KIAA0586: variants seen among roughly 807,000 people sequenced by gnomAD.
KIAA0586 encodes protein TALPID3.
A neutral mutation model predicts 169.8 loss-of-function variants in KIAA0586; 144 were observed. The ratio of observed to expected loss-of-function variants is 0.85; its 90% CI spans 0.74 to 0.97. The LOEUF (loss-of-function observed/expected upper bound fraction) is 0.97, where lower values mean the gene tolerates loss of function less well. Ranked by LOEUF, KIAA0586 falls within the 50% of genes least tolerant of loss-of-function variation. The probability of loss-of-function intolerance (pLI) is 0.00; values close to 1 mark genes in which losing one functional copy is unlikely to be tolerated. For synonymous variants in KIAA0586, 625 were observed against 612.4 expected (o/e 1.02, Z -0.30); for missense variants, 1,854 against 1,823.0 (o/e 1.02, Z -0.31).
At chr14:58,450,828 A>G in intron 8 of KIAA0586, 82 bp downstream of exon 8, 1 of 777,940 alleles carries the variant, frequency 1.3e-6, no homozygotes, top group Non-Finnish European at 2.1e-6. Context: ...CTGAAGTGGG[A>G]TCTCTATTTG....
chr14:58,540,912 T>C (rs2046602427), intron 30 of KIAA0586, among the ~76,000 whole-genome samples: 1 of 152,218 alleles, frequency 6.6e-6, no homozygotes, highest in African/African-American at 2.4e-5. Context: ...GTTGCAAATC[T>C]GTAGGACTGG....
Position 58,474,652 on chromosome 14 carries a change from G to T in KIAA0586, c.2680G>T (p.Glu894Ter). The part of the protein sequence containing the change: ...DEIPDSEPIL[E>*]FNRSVKADST... ...AATTCCAGACTCTGAACCAATTCTG[G>T]AGTTTAACAGAAGTGTTAAAGCTGA... Residue 894 changes from glutamate to a stop codon, truncating the protein, a stop_gained, in exon 19 of 31, where the codon GAG (glutamate) becomes TAG (stop). Transcript: ENST00000652326. LOFTEE classifies it high-confidence loss of function. The T allele has an allele frequency of 6.2e-7, 1 of 1,602,932 alleles. No individual in the cohort carries two copies. Among genetic ancestry groups the T allele is most frequent in the Non-Finnish European group, 8.5e-7 (1 of 1,176,908 alleles).
intron 27 of KIAA0586, among the ~76,000 whole-genome samples, chr14:58,501,948 G>C (rs1252652246): frequency 6.6e-6 from 1 of 152,116 alleles, no homozygotes; most frequent in East Asian, 1.9e-4. Context: ...CAAGGTGATG[G>C]CTTGGACTGA....
intron 29 of KIAA0586, among the ~76,000 whole-genome samples, chr14:58,520,448 G>A (rs1189502622): frequency 6.6e-6 from 1 of 152,064 alleles, no homozygotes; most frequent in South Asian, 2.1e-4. Flanking sequence ...AATCATACAA[G>A]ATGTGGTTTT....
chr14:58,458,446 A>G lies in KIAA0586; in HGVS notation c.1584-27A>G. 3 of 1,346,980 alleles carry G rather than the reference A, an allele frequency of 2.2e-6. No individual in the cohort carries two copies. The East Asian group carries it at 7.6e-5, about 34-fold the overall frequency. 83.4% of individuals were successfully genotyped at this position (1,346,980 alleles called of 1,614,324 possible). ...TGCTCAGGACAGTAAGTGCTAATTTAAGAAAATTCCTTTTTCTCTTTTATA... is the reference window on the plus strand; with the variant it reads ...TGCTCAGGACAGTAAGTGCTAATTTGAGAAAATTCCTTTTTCTCTTTTATA... On this transcript the variant is annotated intron_variant, in intron 11 of 30. Coordinates refer to ENST00000652326, the MANE Select transcript of KIAA0586 (RefSeq NM_001329943.3).
At position 58,490,183 on chromosome 14, in the gene KIAA0586, G is replaced by A. The variant is rs2042744233; in HGVS notation, c.3801G>A (p.Leu1267=). Residue 1267 remains leucine (L), a synonymous_variant, in exon 25 of 31, where the codon CTG becomes CTA. Coordinates refer to ENST00000652326, the MANE Select transcript of KIAA0586 (RefSeq NM_001329943.3). ...TTCTAGTTTTAGAAGATATAGGACTGTACCTGACAAACCTTAATGATAGCT... is the reference window on the plus strand; with the variant it reads ...TTCTAGTTTTAGAAGATATAGGACTATACCTGACAAACCTTAATGATAGCT... ...LAPKILEDIG[L]YLTNLNDSLS... is the part of the protein sequence containing the mutation. The A allele has an allele frequency of 3.3e-6, 5 of 1,501,294 alleles. No homozygotes were observed. The highest frequency in any genetic ancestry group is 4.5e-6 in the Non-Finnish European group (5 of 1,106,364). The allele number at this position is 1,501,294 out of a possible 1,614,324, so 93.0% of individuals were successfully genotyped here.
At chr14:58,497,354 A>G (rs1327201498) in intron 26 of KIAA0586, among the ~76,000 whole-genome samples, 2 of 149,314 alleles carry the variant, frequency 1.3e-5, no homozygotes, top group East Asian at 2.0e-4. Context: ...TTCTTCTATA[A>G]TCTGTATACT....
chr14:58,461,310 G>C (rs144847733), intron 14 of KIAA0586, 150 bp downstream of exon 14: 17 of 489,932 alleles, frequency 3.5e-5, no homozygotes, highest in Admixed American at 2.5e-4. Flanking sequence ...TCTTAGGAGA[G>C]GTAGGAAGAA....
At chr14:58,527,198 G>A (rs1053223651) in intron 29 of KIAA0586, among the ~76,000 whole-genome samples, 4 of 152,108 alleles carry the variant, frequency 2.6e-5, no homozygotes, top group Admixed American at 2.0e-4. Context: ...AGAAATATGG[G>A]GCTATGTGAA....
chr14:58,488,550 G>A (rs1381041330), intron 23 of KIAA0586, 71 bp from the exon 24 acceptor site: 2 of 1,537,946 alleles, frequency 1.3e-6, no homozygotes, highest in East Asian at 2.3e-5. Flanking sequence ...CTTCGAGTCT[G>A]TTTTTTATAT....
At position 58,428,244 on chromosome 14, in the gene KIAA0586, AC is replaced by A; in HGVS notation, c.-20del. The A allele has an allele frequency of 6.2e-7, 1 of 1,610,064 alleles. No individual in the cohort carries two copies. Among genetic ancestry groups the A allele is most frequent in the Non-Finnish European group, 8.5e-7 (1 of 1,178,238 alleles). ...AAGTTTTTCCGTCCTTAAGTGTGGGACTTGTTTTGTGACCAACAATATGAAA... is the reference window on the plus strand; with the variant it reads ...AAGTTTTTCCGTCCTTAAGTGTGGGATTGTTTTGTGACCAACAATATGAAA... On this transcript the variant is annotated 5_prime_UTR_variant, in exon 1 of 31. Transcript: ENST00000652326.
intron 29 of KIAA0586, among the ~76,000 whole-genome samples, chr14:58,526,807 T>C (rs963340134): frequency 3.3e-5 from 5 of 152,142 alleles, no homozygotes; most frequent in African/African-American, 1.2e-4. Flanking sequence ...AAATTAGCTC[T>C]GGAAAGGACT....
chr14:58,442,475 A>G (rs974977116), intron 4 of KIAA0586, among the ~76,000 whole-genome samples: 3 of 152,138 alleles, frequency 2.0e-5, no homozygotes, highest in African/African-American at 7.2e-5. Flanking sequence ...CATATGTTTA[A>G]TTCTTATTTT....
rs2047188358 is a variant in KIAA0586, at chr14:58,551,003, A to G, written c.*3071A>G. Reference sequence around the variant, plus strand: ...TAGGAGTTCAAGACCAGTCTGGCCAACATGGTGAAACCCCATCTCTACTAA... The same window carrying G: ...TAGGAGTTCAAGACCAGTCTGGCCAGCATGGTGAAACCCCATCTCTACTAA... On this transcript the variant is annotated 3_prime_UTR_variant, in exon 31 of 31. Coordinates refer to ENST00000652326, the MANE Select transcript of KIAA0586 (RefSeq NM_001329943.3). The G allele has an allele frequency of 6.6e-6, 1 of 152,026 alleles. No homozygotes were observed. The highest frequency in any genetic ancestry group is 6.6e-5 in the Admixed American group (1 of 15,234). 9.4% of individuals were successfully genotyped at this position (152,026 alleles called of 1,614,324 possible).
At chr14:58,517,911 G>A (rs915713613) in intron 29 of KIAA0586, among the ~76,000 whole-genome samples, 1 of 151,722 alleles carries the variant, frequency 6.6e-6, no homozygotes, top group Non-Finnish European at 1.5e-5. Context: ...TATGGAAAAG[G>A]CAAAATTTAT....
At chr14:58,447,800 A>G (rs2039028607) in intron 6 of KIAA0586, among the ~76,000 whole-genome samples, 1 of 152,178 alleles carries the variant, frequency 6.6e-6, no homozygotes, top group South Asian at 2.1e-4. Context: ...GTATTTTAAT[A>G]AATAGTGCTG....
chr14:58,482,739 TGAA>T, intron 21 of KIAA0586, 27 bp downstream of exon 21: 4 of 1,466,418 alleles, frequency 2.7e-6, no homozygotes, highest in Non-Finnish European at 3.7e-6. Context: ...AGACATTTAT[TGAA>T]GAATAGTAAA....
intron 6 of KIAA0586, 126 bp downstream of exon 6, chr14:58,444,301 C>A: frequency 1.5e-6 from 1 of 667,340 alleles, no homozygotes; most frequent in South Asian, 2.0e-5. Context: ...TCATGATTTG[C>A]TTATCTTTCT....
intron 22 of KIAA0586, 109 bp downstream of exon 22, chr14:58,487,275 C>T: frequency 1.0e-6 from 1 of 996,496 alleles, no homozygotes; most frequent in Non-Finnish European, 1.4e-6. Context: ...TTTTTTCTCA[C>T]AAGGAAATTT....
Sources: gnomAD v4.1 joint callset for allele counts (sites outside exome capture counted in the v4.1 genomes callset) on GRCh38, gnomAD v4.1.1 for gene constraint, MANE v1.5 for transcripts, NCBI Gene and HGNC (gene_info 2026-07-23, HGNC 2026-07-21) for gene names.